The following RALGPS1 variants were observed in gnomAD, a reference collection of about 807,000 sequenced individuals.
RALGPS1 encodes the protein Ral GEF with PH domain and SH3 binding motif 1, also known as ras-specific guanine nucleotide-releasing factor RalGPS1.
A neutral mutation model predicts 78.8 loss-of-function variants in RALGPS1; 19 were observed. The ratio of observed to expected loss-of-function variants is 0.24; its 90% CI spans 0.17 to 0.35. The LOEUF is 0.35. RALGPS1 is among the 10% of genes least tolerant of loss of function. The pLI, the probability that RALGPS1 is intolerant of heterozygous loss-of-function variation, is 1.00. For missense variants in RALGPS1, 454 were observed against 688.3 expected (o/e 0.66, Z 3.81); for synonymous variants, 228 against 256.3 (o/e 0.89, Z 1.06).
At chr9:126,929,604 AC>A (rs1290024485) in intron 1 of RALGPS1, among the ~76,000 whole-genome samples, 1 of 151,970 alleles carries the variant, frequency 6.6e-6, no homozygotes, top group Non-Finnish European at 1.5e-5. Context: ...GGCATGTGCC[AC>A]CACGCCCAGC....
At chr9:127,216,613 A>G (rs1340949526) in intron 18 of RALGPS1, among the ~76,000 whole-genome samples, 1 of 152,250 alleles carries the variant, frequency 6.6e-6, no homozygotes, top group East Asian at 1.9e-4. Context: ...AGAAATGGTA[A>G]TTCTGTAGCT....
chr9:127,003,070 A>C (rs999555453), intron 4 of RALGPS1, among the ~76,000 whole-genome samples: 19 of 152,272 alleles, frequency 1.2e-4, no homozygotes, highest in South Asian at 4.1e-4. Flanking sequence ...CCAACAGTGT[A>C]AAAGTGTTCC....
intron 5 of RALGPS1, among the ~76,000 whole-genome samples, chr9:127,037,829 G>T (rs1335414591): frequency 6.6e-6 from 1 of 152,206 alleles, no homozygotes; most frequent in African/African-American, 2.4e-5. Context: ...TGTTTGTTAT[G>T]ATCTAATCAC....
Position 127,199,084 on chromosome 9 carries a change from A to T in RALGPS1, c.1247+18A>T, listed in dbSNP as rs1245005524. The T allele has an allele frequency of 6.2e-7, 1 of 1,611,390 alleles. No homozygotes were observed. Among genetic ancestry groups the T allele is most frequent in the Admixed American group, 1.7e-5 (1 of 60,026 alleles). ...CTGGAAAGGTGAGTGTGGCCTCAGC[A>T]TGGCCTCCCTCCCAGGGGCGGTGCT... On this transcript the variant is annotated intron_variant, in intron 14 of 18. Transcript: ENST00000259351.
intron 4 of RALGPS1, among the ~76,000 whole-genome samples, chr9:127,029,192 T>C (rs1448749038): frequency 6.6e-6 from 1 of 152,158 alleles, no homozygotes; most frequent in East Asian, 1.9e-4. Flanking sequence ...AGCCATTCTC[T>C]TTTATTTGCC....
chr9:127,000,882 G>T (rs1048548547), intron 4 of RALGPS1, among the ~76,000 whole-genome samples: 4 of 151,658 alleles, frequency 2.6e-5, no homozygotes, highest in Non-Finnish European at 4.4e-5. Context: ...TTCCATTGTA[G>T]TTAGAGAACA....
Position 127,218,603 on chromosome 9 carries a change from T to C in RALGPS1, c.1645-137T>C, listed in dbSNP as rs2062692536. 1 of 870,376 alleles carries C rather than the reference T, an allele frequency of 1.1e-6. No homozygotes were observed. 53.9% of individuals were successfully genotyped at this position (870,376 alleles called of 1,614,324 possible). On this transcript the variant is annotated intron_variant, in intron 18 of 18. Transcript: ENST00000259351. This position sits in a 1 kb window ranked among gnomAD's most constrained non-coding sequence, Gnocchi z 4.4. ...ACTTCACATGGGGTGGCTATTGTTA[T>C]TGCCATACCCTCTCCCTACCCAACC... is the stretch of plus-strand genomic sequence containing the variant.
chr9:127,013,569 C>T (rs1014541161), intron 4 of RALGPS1, among the ~76,000 whole-genome samples: 1 of 152,074 alleles, frequency 6.6e-6, no homozygotes, highest in African/African-American at 2.4e-5. Flanking sequence ...CAGTGCTACC[C>T]CTCAACTTTG....
intron 4 of RALGPS1, among the ~76,000 whole-genome samples, chr9:127,025,639 T>G (rs1316682326): frequency 6.6e-6 from 1 of 152,214 alleles, no homozygotes; most frequent in Non-Finnish European, 1.5e-5. Flanking sequence ...CCTTCCCCTG[T>G]GTTTACTTGC....
At chr9:127,023,742 G>T (rs1179194551) in intron 4 of RALGPS1, among the ~76,000 whole-genome samples, 1 of 152,156 alleles carries the variant, frequency 6.6e-6, no homozygotes, top group Admixed American at 6.5e-5. Flanking sequence ...CCATCAAAAA[G>T]TACAGAAACA....
At position 127,189,007 on chromosome 9, in the gene RALGPS1, A is replaced by C. The variant is rs1051726826; in HGVS notation, c.911-6084A>C. ...AGAGCAAGACTGTCTCAAAAAAAAA[A>C]AAAAAAAAAAAAAAAAAAAACCCCA... On this transcript the variant is annotated intron_variant, in intron 11 of 18. Coordinates refer to ENST00000259351, the MANE Select transcript of RALGPS1 (RefSeq NM_014636.3). Among the ~76,000 whole-genome samples the C allele has an allele frequency of 1.7e-4, 25 of 145,522 alleles. 1 individual carries two copies. The highest frequency in any genetic ancestry group is 5.7e-4 in the African/African-American group (23 of 40,560).
chr9:127,194,726 T>G (rs544330548), intron 11 of RALGPS1, among the ~76,000 whole-genome samples: 8 of 152,314 alleles, frequency 5.3e-5, no homozygotes, highest in African/African-American at 1.7e-4. Flanking sequence ...AAGACATACT[T>G]TGAAGTCTCA....
chr9:126,974,991 T>A (rs10987529), intron 3 of RALGPS1, among the ~76,000 whole-genome samples: 10 of 151,548 alleles, frequency 6.6e-5, no homozygotes, highest in Non-Finnish European at 1.3e-4. Flanking sequence ...TAAAACTGAG[T>A]GGCCTTGAGG....
At chr9:126,922,190 G>A (rs2034835168) in intron 1 of RALGPS1, among the ~76,000 whole-genome samples, 1 of 152,194 alleles carries the variant, frequency 6.6e-6, no homozygotes, top group Non-Finnish European at 1.5e-5. Context: ...ATTATTCCGT[G>A]TAAATGATTG....
intron 11 of RALGPS1, among the ~76,000 whole-genome samples, chr9:127,180,085 C>T (rs951327897): frequency 1.3e-5 from 2 of 152,190 alleles, no homozygotes; most frequent in African/African-American, 4.8e-5. Flanking sequence ...AAGAATGCCA[C>T]GTTTTCCATT....
chr9:127,074,669 G>A (rs934073858), intron 8 of RALGPS1, among the ~76,000 whole-genome samples: 1 of 152,252 alleles, frequency 6.6e-6, no homozygotes, highest in African/African-American at 2.4e-5. Context: ...CTAGCACTTT[G>A]CTAGGCATTT....
rs1279172065 is a variant in RALGPS1 at position 126,962,270 on chromosome 9, C to T, written c.-20C>T. Reference sequence around the variant, plus strand: ...GTTACCTGCAGAGGCTGCCCTGAAGCTCCCTGTGGCCTGGAGACTATGTAC... The same window carrying T: ...GTTACCTGCAGAGGCTGCCCTGAAGTTCCCTGTGGCCTGGAGACTATGTAC... On this transcript the variant is annotated 5_prime_UTR_variant, in exon 2 of 19. Coordinates refer to ENST00000259351, the MANE Select transcript of RALGPS1 (RefSeq NM_014636.3). 6 of 1,613,850 alleles carry T rather than the reference C, an allele frequency of 3.7e-6. No homozygotes were observed. Among genetic ancestry groups the T allele is most frequent in the Non-Finnish European group, 5.1e-6 (6 of 1,179,886 alleles).
chr9:127,196,327 G>C (rs1024885175), intron 12 of RALGPS1, 147 bp from the exon 13 acceptor site: 3 of 827,588 alleles, frequency 3.6e-6, no homozygotes, highest in African/African-American at 1.7e-5. Flanking sequence ...CATGGCATGA[G>C]AGAGGACAGA....
At chr9:127,102,627 G>C (rs1321113346) in intron 8 of RALGPS1, among the ~76,000 whole-genome samples, 1 of 152,170 alleles carries the variant, frequency 6.6e-6, no homozygotes, top group Non-Finnish European at 1.5e-5. Flanking sequence ...CTGAGGAATG[G>C]AGGGGTAGCT....
Sources: gnomAD v4.1 joint callset for allele counts (sites outside exome capture counted in the v4.1 genomes callset) on GRCh38, gnomAD v4.1.1 for gene constraint, Gnocchi (gnomAD v3.1) non-coding constraint, MANE v1.5 for transcripts, NCBI Gene and HGNC (gene_info 2026-07-23, HGNC 2026-07-21) for gene names.